MAP7D2: variants seen among roughly 807,000 people sequenced by gnomAD.
MAP7D2 encodes MAP7 domain containing 2, also known as MAP7 domain-containing protein 2.
A neutral mutation model predicts 63.5 loss-of-function variants in MAP7D2; 33 were observed. That is an observed-to-expected ratio of 0.52 (90% CI 0.39 to 0.70). MAP7D2 has a LOEUF of 0.70. Ranked by LOEUF, MAP7D2 falls within the 30% of genes least tolerant of loss-of-function variation. MAP7D2 has a pLI of 0.00. For missense variants in MAP7D2, 626 were observed against 604.0 expected (o/e 1.04, Z -0.38); for synonymous variants, 224 against 223.7 (o/e 1.00, Z -0.01).
At chrX:20,069,944 TTTTC>T (rs1569111306) in intron 1 of MAP7D2, among the ~76,000 whole-genome samples, 1 of 110,646 alleles carries the variant, frequency 9.0e-6, no homozygotes, top group Non-Finnish European at 1.9e-5. Flanking sequence ...TGGCTTTTTC[TTTTC>T]TTTCTCTTTT....
intron 1 of MAP7D2, among the ~76,000 whole-genome samples, chrX:20,082,398 G>A (rs138449491): frequency 0.014 from 1,541 of 111,275 alleles, 8 homozygotes; most frequent in Middle Eastern, 0.019. Context: ...TAAAACTCTT[G>A]GTATTACAAC....
At chrX:20,107,407 C>T (rs1337245995) in intron 1 of MAP7D2, among the ~76,000 whole-genome samples, 1 of 110,650 alleles carries the variant, frequency 9.0e-6, no homozygotes, top group African/African-American at 3.3e-5. Flanking sequence ...CCTGTCTCTA[C>T]TAAAAATACA....
chrX:20,103,894 T>C (rs1056981385), intron 1 of MAP7D2, among the ~76,000 whole-genome samples: 1 of 111,364 alleles, frequency 9.0e-6, no homozygotes, highest in African/African-American at 3.3e-5. Context: ...AAAGTGTAAA[T>C]AATCCTTTTG....
chrX:20,063,375 G>C, intron 3 of MAP7D2, 39 bp downstream of exon 3: 12 of 1,194,230 alleles, frequency 1.0e-5, no homozygotes, highest in Non-Finnish European at 1.4e-5. Flanking sequence ...AGCCTGCTGA[G>C]GGGGCTGGAA....
At chrX:20,102,455 G>A (rs1009751295) in intron 1 of MAP7D2, among the ~76,000 whole-genome samples, 27 of 110,815 alleles carry the variant, frequency 2.4e-4, no homozygotes, top group African/African-American at 7.9e-4. Context: ...CATTCTGAGC[G>A]GGAGTGGTTA....
Position 20,103,498 on chromosome X carries a change from T to A in MAP7D2, c.130+13252A>T, listed in dbSNP as rs138039797. On this transcript the variant is annotated intron_variant, in intron 1 of 16. Coordinates refer to ENST00000379643, the MANE Select transcript of MAP7D2 (RefSeq NM_001168465.2). ...CTACCAGCATCTGAGAGTGGTTGAA[T>A]GACAAGTGCCAAATATCAAAGCCTG... is the stretch of plus-strand genomic sequence containing the variant. 2.6e-3 allele frequency among the ~76,000 whole-genome samples: 286 copies of A among 111,584 alleles called. 2 individuals carry two copies. The highest frequency in any genetic ancestry group is 8.6e-3 in the African/African-American group (265 of 30,726).
At chrX:20,028,986 CT>C (rs1242304234) in intron 8 of MAP7D2, among the ~76,000 whole-genome samples, 2 of 112,039 alleles carry the variant, frequency 1.8e-5, no homozygotes, top group African/African-American at 6.5e-5. Context: ...CCTCACCCTC[CT>C]CCCCGTGGAA....
chrX:20,014,616 A>C (rs778890289), intron 12 of MAP7D2, among the ~76,000 whole-genome samples: 39 of 112,185 alleles, frequency 3.5e-4, no homozygotes, highest in African/African-American at 1.3e-3. Flanking sequence ...GACAAGAAAT[A>C]TCACTAGAGA....
chrX:20,025,038 G>A lies in MAP7D2; in HGVS notation c.1325C>T (p.Ala442Val), dbSNP rs199956389. The A allele has an allele frequency of 5.0e-5, 60 of 1,209,241 alleles. No homozygotes were observed. Among genetic ancestry groups the A allele is most frequent in the Middle Eastern group, 2.3e-4 (1 of 4,355 alleles). Reference sequence around the variant, plus strand: ...TCTTCTCTTTTCAGCCAAGATCTTCGCAGCCTCTCCTGCATCAGTGGTGCC... The same window carrying A: ...TCTTCTCTTTTCAGCCAAGATCTTCACAGCCTCTCCTGCATCAGTGGTGCC... ...TAGTTDAGEA[A>V]KILAEKRRQA... The change falls in exon 10 of 17, where the codon GCG (alanine) becomes GTG (valine). Residue 442 changes from alanine (A) to valine (V), a missense_variant. Transcript: ENST00000379643.
At chrX:20,090,243 C>T (rs747958370) in intron 1 of MAP7D2, among the ~76,000 whole-genome samples, 4 of 109,175 alleles carry the variant, frequency 3.7e-5, no homozygotes, top group African/African-American at 1.3e-4. Flanking sequence ...GCATGTAATT[C>T]CAGAACTTTT....
At chrX:20,073,719 G>C (rs1481578961) in intron 1 of MAP7D2, among the ~76,000 whole-genome samples, 1 of 106,444 alleles carries the variant, frequency 9.4e-6, no homozygotes, top group East Asian at 3.0e-4. Context: ...GTAGAGATGG[G>C]GTTTCACCGT....
At chrX:20,060,432 GAGAAAGAAAGAA>G (rs59420678) in intron 3 of MAP7D2, among the ~76,000 whole-genome samples, 5,185 of 69,170 alleles carry the variant, frequency 0.075, 234 homozygotes, top group South Asian at 0.23. Flanking sequence ...GAGAGAGAGA[GAGAAAGAAAGAA>G]AGAAAGAAAG....
rs1290899299 is a variant in MAP7D2, at chrX:20,025,762, C to A, written c.1198G>T (p.Ala400Ser). The change falls in exon 9 of 17, where the codon GCC becomes TCC. Residue 400 changes from alanine (A) to serine (S), a missense_variant. Coordinates refer to ENST00000379643, the MANE Select transcript of MAP7D2 (RefSeq NM_001168465.2). ...QQAAGPQGEE[A>S]LEKHVVDKHA... ...TTGTCCACTACATGCTTCTCTAGGG[C>A]TTCCTCTCCTTGCGGGCCAGCAGCC... 1.7e-6 allele frequency: 2 copies of A among 1,211,708 alleles called. No homozygotes were observed. Among genetic ancestry groups the A allele is most frequent in the South Asian group, 3.5e-5 (2 of 56,981 alleles).
chrX:20,013,575 T>G lies in MAP7D2; in HGVS notation c.1800A>C (p.Gln600His). ...TGGTCATTTGAATTCCTACCTTCAC[T>G]TGTGGAGACACATCACTTTTCCTTG... is the stretch of plus-strand genomic sequence containing the variant. The part of the protein sequence containing the change: ...KRTRKSDVSP[Q>H]VKKEDPKVGV... Residue 600 changes from glutamine to histidine, a missense_variant, in exon 13 of 17, where the codon CAA becomes CAC. Gln to His is a conservative substitution (Grantham distance 24). Transcript: ENST00000379643. 8.4e-7 allele frequency: 1 copy of G among 1,195,541 alleles called. No homozygotes were observed. Among genetic ancestry groups the G allele is most frequent in the Non-Finnish European group, 1.1e-6 (1 of 885,085 alleles).
chrX:20,105,657 T>C (rs2066546927), intron 1 of MAP7D2, among the ~76,000 whole-genome samples: 1 of 111,157 alleles, frequency 9.0e-6, no homozygotes, highest in South Asian at 3.8e-4. Context: ...TAGGAAGACA[T>C]GACACCAGCT....
chrX:20,084,959 T>C (rs767150125), intron 1 of MAP7D2, among the ~76,000 whole-genome samples: 2 of 111,602 alleles, frequency 1.8e-5, no homozygotes, highest in Non-Finnish European at 3.8e-5. Flanking sequence ...CTTTCCCAGA[T>C]GGCAGTACAG....
chrX:20,069,203 T>A (rs374074485), intron 1 of MAP7D2, among the ~76,000 whole-genome samples: 1 of 111,589 alleles, frequency 9.0e-6, no homozygotes, highest in African/African-American at 3.3e-5. Flanking sequence ...GCATTTATCA[T>A]CTTTTTTTTA....
At chrX:20,020,975 C>T (rs998031895) in intron 10 of MAP7D2, among the ~76,000 whole-genome samples, 2 of 112,232 alleles carry the variant, frequency 1.8e-5, no homozygotes, top group African/African-American at 6.5e-5. Flanking sequence ...AGGTACAAGC[C>T]ATTGCGTCTG....
chrX:20,090,123 C>T (rs1486575299), intron 1 of MAP7D2, among the ~76,000 whole-genome samples: 1 of 111,585 alleles, frequency 9.0e-6, no homozygotes, highest in African/African-American at 3.3e-5. Flanking sequence ...TATTTTTGCA[C>T]AGAAAGTTAT....
Sources: gnomAD v4.1 joint callset for allele counts (sites outside exome capture counted in the v4.1 genomes callset) on GRCh38, gnomAD v4.1.1 for gene constraint, MANE v1.5 for transcripts, NCBI Gene and HGNC (gene_info 2026-07-23, HGNC 2026-07-21) for gene names.